Variants in AGO2 observed in about 807,000 individuals in gnomAD.
AGO2 encodes protein argonaute-2.
In AGO2, 5 loss-of-function variants were observed where a neutral mutation model predicts 102.3. The observed-to-expected ratio is 0.05, with a 90% CI of 0.03 to 0.10. The LOEUF is 0.10. Among genes scored for constraint, AGO2 ranks in the 10% least tolerant of loss-of-function variants. The probability of loss-of-function intolerance (pLI) is 1.00; values close to 1 mark genes in which losing one functional copy is unlikely to be tolerated. For missense variants in AGO2, 541 were observed against 1,183.7 expected, an observed-to-expected ratio of 0.46 and a Z score of 7.97; for synonymous variants, 449 against 473.1, an observed-to-expected ratio of 0.95 and a Z score of 0.66.
intron 2 of AGO2, among the ~76,000 whole-genome samples, chr8:140,583,912 C>T (rs1689731000): frequency 6.6e-6 from 1 of 152,094 alleles, no homozygotes; most frequent in Non-Finnish European, 1.5e-5. Flanking sequence ...AAGGGTAGCG[C>T]ATTGCTCTAC....
chr8:140,593,137 C>T (rs1047485918), intron 1 of AGO2: 1 of 152,224 alleles, frequency 6.6e-6, no homozygotes, highest in Non-Finnish European at 1.5e-5. Context: ...ATCTGACCTA[C>T]CTAACACATG....
intron 2 of AGO2, among the ~76,000 whole-genome samples, chr8:140,584,195 T>A (rs1282369139): frequency 3.5e-5 from 5 of 143,420 alleles, no homozygotes. Context: ...GGAAATAATA[T>A]ATCACTTAAT....
In AGO2 at chr8:140,557,968, G is replaced by A. The variant is rs1479316078; in HGVS notation, c.878+517C>T. 1.3e-5 allele frequency among the ~76,000 whole-genome samples: 2 copies of A among 152,164 alleles called. No homozygotes were observed. Among genetic ancestry groups the A allele is most frequent in the African/African-American group, 4.8e-5 (2 of 41,436 alleles). On this transcript the variant is annotated intron_variant, in intron 7 of 18. Transcript: ENST00000220592. This position sits in a 1 kb window ranked among gnomAD's most constrained non-coding sequence, Gnocchi z 5.9. ...CCATGGAATGATCCATGAAATAAAC[G>A]AACCCTACCGGCCTGGGAGACATTA... is the stretch of plus-strand genomic sequence containing the variant.
At chr8:140,601,436 G>C (rs965235412) in intron 1 of AGO2, among the ~76,000 whole-genome samples, 2 of 152,182 alleles carry the variant, frequency 1.3e-5, no homozygotes, top group Non-Finnish European at 2.9e-5. Flanking sequence ...CCCTGCACTA[G>C]GCACACCCCA....
chr8:140,543,684 C>G (rs890146025), intron 14 of AGO2, among the ~76,000 whole-genome samples: 1 of 152,240 alleles, frequency 6.6e-6, no homozygotes, highest in Non-Finnish European at 1.5e-5. Flanking sequence ...TTCTGAGCAT[C>G]TACTATGTGC....
chr8:140,587,558 C>T (rs1276119392), intron 1 of AGO2, among the ~76,000 whole-genome samples: 1 of 152,200 alleles, frequency 6.6e-6, no homozygotes. Context: ...AAAGCCAAAG[C>T]GTGCAAGAGG....
intron 8 of AGO2, among the ~76,000 whole-genome samples, 179 bp from the exon 9 acceptor site, chr8:140,556,465 C>T (rs892152788): frequency 1.3e-5 from 2 of 152,266 alleles, no homozygotes; most frequent in East Asian, 3.9e-4. Context: ...TTCCGCTTCA[C>T]AACAGAAATG....
intron 1 of AGO2, among the ~76,000 whole-genome samples, chr8:140,598,303 G>C (rs192577737): frequency 1.3e-5 from 2 of 152,194 alleles, no homozygotes; most frequent in African/African-American, 4.8e-5. Context: ...AATTCTCTTC[G>C]GCAAAGGCAG....
chr8:140,538,506 T>G (rs2072736950), intron 16 of AGO2, among the ~76,000 whole-genome samples: 1 of 152,238 alleles, frequency 6.6e-6, no homozygotes, highest in African/African-American at 2.4e-5. Flanking sequence ...CTGTGGAGAA[T>G]TCTCAGCTCT....
chr8:140,575,882 A>G (rs895133202), intron 2 of AGO2, among the ~76,000 whole-genome samples: 1 of 152,220 alleles, frequency 6.6e-6, no homozygotes, highest in African/African-American at 2.4e-5. Flanking sequence ...AAAACATAAG[A>G]TAAAAACGTT....
chr8:140,553,112 G>T (rs1017150808), intron 10 of AGO2, among the ~76,000 whole-genome samples: 2 of 152,184 alleles, frequency 1.3e-5, no homozygotes, highest in Non-Finnish European at 2.9e-5. Flanking sequence ...AGCATTACAC[G>T]CTCAGTCAGG....
rs1383587526 is a variant in AGO2 at position 140,531,315 on chromosome 8, C to A, written c.*729G>T. 1 of 152,600 alleles carries A rather than the reference C, an allele frequency of 6.6e-6. No individual in the cohort carries two copies. Among genetic ancestry groups the A allele is most frequent in the Non-Finnish European group, 1.5e-5 (1 of 68,068 alleles). 9.5% of individuals were successfully genotyped at this position (152,600 alleles called of 1,614,324 possible). ...CTATAGGACAAATCTGATGATTAGA[C>A]TGTCAGTATATTGTCTTTTTTCTTT... On this transcript the variant is annotated 3_prime_UTR_variant, in exon 19 of 19. Transcript: ENST00000220592.
intron 1 of AGO2, among the ~76,000 whole-genome samples, chr8:140,607,506 A>G (rs2074018607): frequency 5.4e-5 from 1 of 18,580 alleles, no homozygotes; most frequent in African/African-American, 1.5e-4. Context: ...ATATATATAT[A>G]TATATATATA....
At position 140,560,581 on chromosome 8, in the gene AGO2, G is replaced by C. The variant is rs2073182731; in HGVS notation, c.519-71C>G. On this transcript the variant is annotated intron_variant, in intron 4 of 18. Transcript: ENST00000220592. ...CGGAAGGAACAGCTGCCTCTGGGTG[G>C]GCTTCGCCTGCGCCCACCACACCCT... is the stretch of plus-strand genomic sequence containing the variant. 5 of 1,546,816 alleles carry C rather than the reference G, an allele frequency of 3.2e-6. No homozygotes were observed. The South Asian group carries it at 3.5e-5, about 11-fold the overall frequency.
chr8:140,533,888 A>G (rs914563772), intron 17 of AGO2, among the ~76,000 whole-genome samples: 8 of 152,122 alleles, frequency 5.3e-5, no homozygotes, highest in Admixed American at 6.5e-5. Flanking sequence ...ACCATTTTAC[A>G]CACCTCCTGC....
the AGO2 span, among the ~76,000 whole-genome samples, chr8:140,641,039 T>C: frequency 6.6e-6 from 1 of 152,186 alleles, no homozygotes; most frequent in Non-Finnish European, 1.5e-5. Flanking sequence ...CTTACACCTG[T>C]AATCCCAGCA....
Position 140,539,422 on chromosome 8 carries a change from C to T in AGO2, c.2067G>A (p.Glu689=). 1 of 1,613,972 alleles carries T rather than the reference C, an allele frequency of 6.2e-7. No homozygotes were observed. Among genetic ancestry groups the T allele is most frequent in the Non-Finnish European group, 8.5e-7 (1 of 1,179,910 alleles). ...AGTCTTTTTCTAGCTTGATACAGGC[C>T]TCACGGATGGCCAGCAACTCGTGGT... is the stretch of plus-strand genomic sequence containing the variant. ...VLHHELLAIR[E]ACIKLEKDYQ... Residue 689 remains glutamate (E), a synonymous_variant, in exon 16 of 19, where the codon GAG becomes GAA. Transcript: ENST00000220592. This position sits in a 1 kb window ranked among gnomAD's most constrained non-coding sequence, Gnocchi z 4.7.
At position 140,635,493 on chromosome 8, in the gene AGO2, G is replaced by A; in HGVS notation, c.14C>T (p.Ala5Val). 1.0e-6 allele frequency: 1 copy of A among 980,380 alleles called. No individual in the cohort carries two copies. Among genetic ancestry groups the A allele is most frequent in the Non-Finnish European group, 1.2e-6 (1 of 827,898 alleles). 60.7% of individuals were successfully genotyped at this position (980,380 alleles called of 1,614,324 possible). The change falls in exon 1 of 19, where the codon GCC becomes GTC. Residue 5 changes from alanine to valine, a missense_variant. This residue lies in a region of AGO2 where 147 missense variants were observed against 204.1 expected (regional missense o/e 0.72). Coordinates refer to ENST00000220592, the MANE Select transcript of AGO2 (RefSeq NM_012154.5). MYSG[A>V]GPALAPPAPP... is the part of the protein sequence containing the mutation. The stretch of plus-strand genomic sequence containing the variant: ...CGAGCGCCAGGACTCACCGGGGCCG[G>A]CTCCCGAGTACATGGTGGCGCCGCC...
At chr8:140,576,826 C>CTGA (rs1315736557) in intron 2 of AGO2, among the ~76,000 whole-genome samples, 1 of 152,202 alleles carries the variant, frequency 6.6e-6, no homozygotes, top group Non-Finnish European at 1.5e-5. Flanking sequence ...TGTCCATCAG[C>CTGA]TGATGAGTGG....
Sources: gnomAD v4.1 joint callset for allele counts (sites outside exome capture counted in the v4.1 genomes callset) on GRCh38, gnomAD v4.1.1 for gene constraint, gnomAD v4.1.1 regional missense constraint, Gnocchi (gnomAD v3.1) non-coding constraint, MANE v1.5 for transcripts, NCBI Gene and HGNC (gene_info 2026-07-23, HGNC 2026-07-21) for gene names.